Variants in MAGI1 observed in about 807,000 individuals in gnomAD.
The protein encoded by MAGI1 is membrane associated guanylate kinase, WW and PDZ domain containing 1, also known as membrane-associated guanylate kinase, WW and PDZ domain-containing protein 1.
A neutral mutation model predicts 139.9 loss-of-function variants in MAGI1; 58 were observed. That is an observed-to-expected ratio of 0.41 (90% CI 0.34 to 0.52). The LOEUF is 0.52. MAGI1 is among the 20% of genes least tolerant of loss of function. The pLI is 0.12. For synonymous variants in MAGI1, 812 were observed against 737.9 expected (o/e 1.10, Z -1.63); for missense variants, 1,874 against 1,901.6 (o/e 0.99, Z 0.27).
intron 2 of MAGI1, among the ~76,000 whole-genome samples, chr3:65,518,655 C>A (rs1034103309): frequency 2.6e-5 from 4 of 152,028 alleles, no homozygotes; most frequent in Non-Finnish European, 5.9e-5. Flanking sequence ...AAATACTTCA[C>A]AAACATCGAC....
At chr3:65,379,226 G>T in intron 17 of MAGI1, 35 bp downstream of exon 17, 1 of 1,607,228 alleles carries the variant, frequency 6.2e-7, no homozygotes, top group Non-Finnish European at 8.5e-7. Flanking sequence ...CAGGCATGGT[G>T]GGAAACCCTG....
intron 1 of MAGI1, chr3:65,954,638 A>T (rs907119161): frequency 6.6e-5 from 10 of 152,218 alleles, no homozygotes; most frequent in African/African-American, 2.2e-4. Flanking sequence ...CACGGCGGGG[A>T]AATGGCAGTG....
chr3:65,601,282 G>C (rs1266317175), intron 2 of MAGI1, among the ~76,000 whole-genome samples: 1 of 152,062 alleles, frequency 6.6e-6, no homozygotes, highest in Non-Finnish European at 1.5e-5. Flanking sequence ...TTTTTTAATA[G>C]AAATGTCCTT....
intron 1 of MAGI1, among the ~76,000 whole-genome samples, chr3:65,763,807 A>G (rs1299086143): frequency 1.3e-5 from 2 of 152,040 alleles, no homozygotes; most frequent in Admixed American, 1.3e-4. Context: ...ACAGTGGCTC[A>G]TATCTGTAAT....
intron 16 of MAGI1, 113 bp from the exon 17 acceptor site, chr3:65,379,667 G>A (rs931606969): frequency 1.3e-6 from 2 of 1,496,388 alleles, no homozygotes; most frequent in Non-Finnish European, 1.8e-6. Flanking sequence ...ACCGAGGGGA[G>A]GAGACAGCAC....
chr3:65,890,986 G>A (rs1243218619), intron 1 of MAGI1, among the ~76,000 whole-genome samples: 2 of 152,170 alleles, frequency 1.3e-5, no homozygotes, highest in East Asian at 1.9e-4. Context: ...TGACAGGCAG[G>A]AGGATTGCTT....
intron 1 of MAGI1, among the ~76,000 whole-genome samples, chr3:65,798,450 T>C (rs1343059567): frequency 2.0e-5 from 3 of 152,102 alleles, no homozygotes; most frequent in Admixed American, 2.0e-4. Flanking sequence ...GAAAGGCACA[T>C]CAAAGACACT....
intron 1 of MAGI1, among the ~76,000 whole-genome samples, chr3:65,849,391 G>T (rs1319914367): frequency 6.6e-6 from 1 of 151,466 alleles, no homozygotes; most frequent in Non-Finnish European, 1.5e-5. Flanking sequence ...CAGTCTGAAT[G>T]ACAGTGATGA....
intron 1 of MAGI1, among the ~76,000 whole-genome samples, chr3:66,021,591 C>G (rs1015669250): frequency 6.6e-6 from 1 of 152,184 alleles, no homozygotes; most frequent in African/African-American, 2.4e-5. Context: ...CCTGGAGCAT[C>G]ACACGCTGGA....
rs529596451 is a variant in MAGI1 at position 65,515,423 on chromosome 3, GA to G, written c.431-21793del. ...GCAAAACAGAAAATGAAACATCTAA[GA>G]AAAAAAGTGGCTTTCTAAATGCTTA... On this transcript the variant is annotated intron_variant, in intron 2 of 22. Transcript: ENST00000402939. 8.9e-3 allele frequency among the ~76,000 whole-genome samples: 1,354 copies of G among 152,002 alleles called. 21 individuals carry two copies. The highest frequency in any genetic ancestry group is 0.03 in the African/African-American group (1,254 of 41,486).
rs534300183 is a variant in MAGI1, at chr3:65,409,007, G to A, written c.2168-7537C>T. 1.2e-4 allele frequency among the ~76,000 whole-genome samples: 19 copies of A among 152,336 alleles called. No individual in the cohort carries two copies. In the East Asian group the frequency reaches 3.1e-3, roughly 25 times the overall value. Reference sequence around the variant, plus strand: ...GAAAATGACGCAGGACAATGGAACAGGCTGTGCCGGGGATGCACAACTACT... The same window carrying A: ...GAAAATGACGCAGGACAATGGAACAAGCTGTGCCGGGGATGCACAACTACT... On this transcript the variant is annotated intron_variant, in intron 12 of 22. Transcript: ENST00000402939.
chr3:65,392,201 A>G (rs1943979528), intron 13 of MAGI1, among the ~76,000 whole-genome samples: 1 of 152,194 alleles, frequency 6.6e-6, no homozygotes. Flanking sequence ...CTCAGCAAAG[A>G]CCCTTCTCAT....
intron 1 of MAGI1, among the ~76,000 whole-genome samples, chr3:65,985,576 A>G (rs1560083142): frequency 6.6e-6 from 1 of 152,224 alleles, no homozygotes; most frequent in East Asian, 1.9e-4. Context: ...CAGGACTAAT[A>G]GACTTTCTTA....
intron 1 of MAGI1, among the ~76,000 whole-genome samples, chr3:65,725,345 T>C (rs1360561923): frequency 6.6e-6 from 1 of 152,166 alleles, no homozygotes; most frequent in East Asian, 1.9e-4. Flanking sequence ...ATGGGACCTA[T>C]CTCAAACATC....
intron 12 of MAGI1, among the ~76,000 whole-genome samples, chr3:65,414,298 C>T (rs767822553): frequency 7.2e-5 from 11 of 152,186 alleles, no homozygotes; most frequent in Non-Finnish European, 1.6e-4. Flanking sequence ...TTTTGGATTT[C>T]ACTTCTCTGG....
At chr3:65,395,608 G>GCCT (rs1204258964) in intron 13 of MAGI1, among the ~76,000 whole-genome samples, 1 of 86,404 alleles carries the variant, frequency 1.2e-5, no homozygotes, top group Non-Finnish European at 2.6e-5. Context: ...CTGCACTCCA[G>GCCT]CCTGGGTGAC....
chr3:65,628,665 G>A (rs111553603), intron 1 of MAGI1, among the ~76,000 whole-genome samples: 2,603 of 152,182 alleles, frequency 0.017, 72 homozygotes, highest in African/African-American at 0.055. Context: ...TATCAGAATA[G>A]AAGAAATTCC....
intron 2 of MAGI1, among the ~76,000 whole-genome samples, chr3:65,582,810 C>T (rs2081500736): frequency 6.6e-6 from 1 of 152,130 alleles, no homozygotes; most frequent in Non-Finnish European, 1.5e-5. Flanking sequence ...TGTGTGTTTT[C>T]CAAAGATACA....
intron 1 of MAGI1, among the ~76,000 whole-genome samples, chr3:65,627,479 C>G (rs1221441612): frequency 1.6e-4 from 7 of 43,642 alleles, no homozygotes. Context: ...TTTTATATTT[C>G]TGTATCTTTT....
Sources: gnomAD v4.1 joint callset for allele counts (sites outside exome capture counted in the v4.1 genomes callset) on GRCh38, gnomAD v4.1.1 for gene constraint, MANE v1.5 for transcripts, NCBI Gene and HGNC (gene_info 2026-07-23, HGNC 2026-07-21) for gene names.